The following SDK2 variants were observed in gnomAD, a reference collection of about 807,000 sequenced individuals.
SDK2 encodes sidekick cell adhesion molecule 2, also known as protein sidekick-2.
In SDK2, 105 loss-of-function variants were observed where a neutral mutation model predicts 253.9. The observed-to-expected ratio is 0.41, with a 90% CI of 0.35 to 0.49. The LOEUF (loss-of-function observed/expected upper bound fraction) is 0.49. SDK2 is among the 20% of genes least tolerant of loss of function. The pLI is 0.06. For synonymous variants in SDK2, 1,249 were observed against 1,234.9 expected (o/e 1.01, Z -0.24); for missense variants, 2,608 against 3,003.0 (o/e 0.87, Z 3.07).
At chr17:73,411,333 C>T (rs11867668) in intron 18 of SDK2, among the ~76,000 whole-genome samples, 38,096 of 152,182 alleles carry the variant, frequency 0.25, 5,552 homozygotes, top group East Asian at 0.55. Context: ...GGAGGAAGAA[C>T]CGCTAAGGCA....
chr17:73,487,431 T>C (rs534043703), intron 2 of SDK2, among the ~76,000 whole-genome samples: 3 of 152,284 alleles, frequency 2.0e-5, no homozygotes, highest in Non-Finnish European at 2.9e-5. Flanking sequence ...GAGATGGTGA[T>C]GACTGGGTCC....
intron 40 of SDK2, chr17:73,357,419 A>G (rs537800002): frequency 5.0e-5 from 8 of 160,554 alleles, no homozygotes; most frequent in Non-Finnish European, 6.7e-5. Flanking sequence ...TGGGATACAG[A>G]GAACAGGCCT....
At chr17:73,380,850 C>T (rs370093905) in intron 34 of SDK2, 44 bp downstream of exon 34, 94 of 1,516,626 alleles carry the variant, frequency 6.2e-5, no homozygotes, top group African/African-American at 8.3e-5. Flanking sequence ...CAATCCCCTG[C>T]GAGGCCTGGG....
intron 2 of SDK2, among the ~76,000 whole-genome samples, chr17:73,498,032 C>T (rs751838012): frequency 2.6e-5 from 4 of 152,190 alleles, no homozygotes; most frequent in Non-Finnish European, 4.4e-5. Context: ...TCTGTTTGAC[C>T]TTACTTTCCC....
At chr17:73,356,076 G>C (rs1397736132) in intron 40 of SDK2, among the ~76,000 whole-genome samples, 1 of 152,166 alleles carries the variant, frequency 6.6e-6, no homozygotes, top group Admixed American at 6.5e-5. Flanking sequence ...AGGACACCAA[G>C]GCCTGGAGGA....
At chr17:73,359,268 C>T (rs2145417038) in intron 39 of SDK2, among the ~76,000 whole-genome samples, 1 of 152,104 alleles carries the variant, frequency 6.6e-6, no homozygotes, top group Non-Finnish European at 1.5e-5. Flanking sequence ...GCAGGCCCTC[C>T]TTACACAGCC....
chr17:73,414,400 A>C (rs1428286072), intron 18 of SDK2, among the ~76,000 whole-genome samples: 2 of 152,084 alleles, frequency 1.3e-5, no homozygotes, highest in African/African-American at 4.8e-5. Flanking sequence ...TGTATAACCC[A>C]GTCTCGCTGG....
intron 12 of SDK2, among the ~76,000 whole-genome samples, chr17:73,426,313 T>C (rs1037552815): frequency 6.9e-6 from 1 of 145,388 alleles, no homozygotes; most frequent in African/African-American, 2.5e-5. Flanking sequence ...GTGATCCGCC[T>C]GCCTCTGCCG....
chr17:73,456,517 AG>A (rs2063526872), intron 3 of SDK2, among the ~76,000 whole-genome samples: 1 of 152,136 alleles, frequency 6.6e-6, no homozygotes, highest in Non-Finnish European at 1.5e-5. Context: ...GGTGAAGGGC[AG>A]GTTTCTGTGC....
chr17:73,598,108 A>G (rs1038920937), intron 1 of SDK2, among the ~76,000 whole-genome samples: 36 of 150,982 alleles, frequency 2.4e-4, no homozygotes, highest in Middle Eastern at 3.4e-3. Context: ...TTTCCATCCC[A>G]TCTCCCCAGG....
chr17:73,476,658 C>T (rs1005861077), intron 2 of SDK2, among the ~76,000 whole-genome samples: 2 of 152,138 alleles, frequency 1.3e-5, no homozygotes, highest in African/African-American at 4.8e-5. Flanking sequence ...CATTTTGTCA[C>T]CCAGGCTGGA....
intron 1 of SDK2, among the ~76,000 whole-genome samples, chr17:73,575,207 G>A (rs913946258): frequency 1.3e-5 from 2 of 152,164 alleles, no homozygotes; most frequent in Non-Finnish European, 2.9e-5. Flanking sequence ...TCAATGGGGC[G>A]AATGACACCT....
intron 3 of SDK2, among the ~76,000 whole-genome samples, chr17:73,459,053 C>T (rs1288315347): frequency 6.6e-6 from 1 of 152,094 alleles, no homozygotes; most frequent in East Asian, 1.9e-4. Context: ...AAACTCCCCT[C>T]ATGCCCTGCA....
intron 10 of SDK2, among the ~76,000 whole-genome samples, chr17:73,432,653 G>C (rs2063334492): frequency 6.6e-6 from 1 of 152,018 alleles, no homozygotes; most frequent in African/African-American, 2.4e-5. Context: ...GAGAAGGTGG[G>C]GAGTGAAGGA....
chr17:73,398,510 A>T lies in SDK2; in HGVS notation c.3094-81T>A, dbSNP rs1026196104. Reference sequence around the variant, plus strand: ...TCCGAGCCCCAGTACAAGCCCTGCCAGGGAAGAAGTTGGTTCAGAACCCAG... The same window carrying T: ...TCCGAGCCCCAGTACAAGCCCTGCCTGGGAAGAAGTTGGTTCAGAACCCAG... On this transcript the variant is annotated intron_variant, in intron 22 of 44. Coordinates refer to ENST00000392650, the MANE Select transcript of SDK2 (RefSeq NM_001144952.2). The T allele has an allele frequency of 2.5e-5, 32 of 1,256,164 alleles. No homozygotes were observed. The African/African-American group carries it at 4.1e-4, about 16-fold the overall frequency. The allele number at this position is 1,256,164 out of a possible 1,614,324, so 77.8% of individuals were successfully genotyped here. A position where few individuals can be genotyped will look rare whatever the true frequency, so the allele number is the denominator to read the frequency against.
At position 73,511,891 on chromosome 17, in the gene SDK2, G is replaced by A. The variant is rs1183993992; in HGVS notation, c.65-4294C>T. The stretch of plus-strand genomic sequence containing the variant: ...ACAGAACGTGTGGACGTGTCTATGT[G>A]TGCACGTGTTTATGTGTGCAGGTGT... On this transcript the variant is annotated intron_variant, in intron 1 of 44. Transcript: ENST00000392650. The surrounding 1 kb of genome is among the most constrained non-coding windows in gnomAD (Gnocchi z 4.9). 4.6e-5 allele frequency among the ~76,000 whole-genome samples: 7 copies of A among 152,180 alleles called. No homozygotes were observed. The highest frequency in any genetic ancestry group is 4.6e-4 in the Admixed American group (7 of 15,290).
chr17:73,471,996 C>T, intron 3 of SDK2, 116 bp downstream of exon 3: 1 of 729,540 alleles, frequency 1.4e-6, no homozygotes, highest in East Asian at 2.7e-5. Context: ...GCACCATGGG[C>T]ACTCAGTGGG....
intron 15 of SDK2, among the ~76,000 whole-genome samples, chr17:73,421,096 T>G (rs1482436040): frequency 1.3e-5 from 2 of 152,226 alleles, no homozygotes; most frequent in African/African-American, 4.8e-5. Context: ...GCCTCTCTGT[T>G]GTTGGGATTG....
chr17:73,353,700 A>ATT (rs11370066), intron 40 of SDK2, among the ~76,000 whole-genome samples: 35,090 of 97,210 alleles, frequency 0.36, 8,469 homozygotes, highest in Non-Finnish European at 0.47. Context: ...TGCCTGGCCA[A>ATT]TTTTTTTTTT....
Sources: gnomAD v4.1 joint callset for allele counts (sites outside exome capture counted in the v4.1 genomes callset) on GRCh38, gnomAD v4.1.1 for gene constraint, Gnocchi (gnomAD v3.1) non-coding constraint, MANE v1.5 for transcripts, NCBI Gene and HGNC (gene_info 2026-07-23, HGNC 2026-07-21) for gene names.